The following IDE variants were observed in gnomAD, a reference collection of about 807,000 sequenced individuals.
The protein encoded by IDE is insulin-degrading enzyme.
In IDE, 58 loss-of-function variants were observed where a neutral mutation model predicts 133.2. That is an observed-to-expected ratio of 0.44 (90% CI 0.35 to 0.54). The LOEUF (loss-of-function observed/expected upper bound fraction) is 0.54, where lower values mean the gene tolerates loss of function less well. Among genes scored for constraint, IDE ranks in the 20% least tolerant of loss-of-function variants. The pLI is 0.00. For synonymous variants in IDE, 396 were observed against 421.3 expected, an observed-to-expected ratio of 0.94 and a Z score of 0.73; for missense variants, 981 against 1,234.0, an observed-to-expected ratio of 0.79 and a Z score of 3.07.
chr10:92,559,736 TA>T (rs1486760538), intron 1 of IDE, among the ~76,000 whole-genome samples: 69 of 129,050 alleles, frequency 5.3e-4, no homozygotes, highest in Admixed American at 1.0e-3. Flanking sequence ...ATGAATGGTA[TA>T]TTTTTTTTTT....
chr10:92,516,864 G>A (rs1433335369), intron 4 of IDE, among the ~76,000 whole-genome samples: 1 of 152,130 alleles, frequency 6.6e-6, no homozygotes, highest in African/African-American at 2.4e-5. Flanking sequence ...AATTCAAGTA[G>A]GGTAAAATAT....
chr10:92,477,291 A>C (rs1846318562), intron 15 of IDE, among the ~76,000 whole-genome samples: 1 of 152,072 alleles, frequency 6.6e-6, no homozygotes, highest in South Asian at 2.1e-4. Context: ...TAGCTGGACT[A>C]CAGGTACACA....
At chr10:92,500,102 A>G (rs1847924271) in intron 11 of IDE, among the ~76,000 whole-genome samples, 3 of 152,156 alleles carry the variant, frequency 2.0e-5, no homozygotes, top group Non-Finnish European at 4.4e-5. Flanking sequence ...GTTCGAGACC[A>G]GCCTGACCAA....
chr10:92,475,080 TC>T, intron 16 of IDE, 119 bp from the exon 17 acceptor site: 1 of 720,126 alleles, frequency 1.4e-6, no homozygotes, highest in South Asian at 2.0e-5. Flanking sequence ...TTCCCTTCTT[TC>T]CCCTTTCTGA....
At chr10:92,556,830 A>G (rs1843033729) in intron 1 of IDE, among the ~76,000 whole-genome samples, 1 of 151,428 alleles carries the variant, frequency 6.6e-6, no homozygotes, top group Non-Finnish European at 1.5e-5. Context: ...AGGCTGAGAC[A>G]GGAGAATTGC....
At chr10:92,457,327 A>G (rs1031970259) in intron 22 of IDE, among the ~76,000 whole-genome samples, 2 of 152,176 alleles carry the variant, frequency 1.3e-5, no homozygotes, top group Non-Finnish European at 2.9e-5. Flanking sequence ...GCACTCTCCT[A>G]TGTCAGCTCA....
intron 1 of IDE, among the ~76,000 whole-genome samples, chr10:92,544,486 C>T (rs1486357203): frequency 1.3e-5 from 2 of 152,076 alleles, no homozygotes; most frequent in Non-Finnish European, 2.9e-5. Context: ...AGTGACTTGC[C>T]CAAGGGCAAG....
intron 17 of IDE, 72 bp from the exon 18 acceptor site, chr10:92,470,417 A>G (rs527465031): frequency 5.2e-6 from 5 of 957,696 alleles, no homozygotes; most frequent in Non-Finnish European, 7.9e-6. Flanking sequence ...TTTGAGACTT[A>G]CAGAAGACTT....
chr10:92,573,841 C>G, intron 1 of IDE, 81 bp downstream of exon 1: 2 of 987,004 alleles, frequency 2.0e-6, no homozygotes, highest in Non-Finnish European at 1.4e-6. Flanking sequence ...GCTTTAAGTG[C>G]TGAATCACCA....
At chr10:92,508,017 CT>C (rs772771970) in intron 8 of IDE, 95 bp downstream of exon 8, 1 of 866,034 alleles carries the variant, frequency 1.2e-6, no homozygotes, top group Non-Finnish European at 1.9e-6. Context: ...AGTGTTGTAG[CT>C]TTCAACATAA....
chr10:92,482,935 C>T (rs1431774218), intron 14 of IDE, among the ~76,000 whole-genome samples: 1 of 152,094 alleles, frequency 6.6e-6, no homozygotes, highest in Non-Finnish European at 1.5e-5. Flanking sequence ...CACCCACCAC[C>T]ATGCCCGGCT....
At chr10:92,515,182 G>A in intron 4 of IDE, 140 bp from the exon 5 acceptor site, 1 of 638,826 alleles carries the variant, frequency 1.6e-6, no homozygotes, top group East Asian at 2.7e-5. Flanking sequence ...TTATTTGAAT[G>A]TTAAGTGAAT....
At chr10:92,514,010 T>A (rs1848768368) in intron 5 of IDE, among the ~76,000 whole-genome samples, 1 of 152,204 alleles carries the variant, frequency 6.6e-6, no homozygotes, top group Non-Finnish European at 1.5e-5. Flanking sequence ...AATTATAAAA[T>A]CAGTATTTAG....
At chr10:92,535,796 G>C (rs140052877) in intron 2 of IDE, among the ~76,000 whole-genome samples, 23 of 152,324 alleles carry the variant, frequency 1.5e-4, no homozygotes, top group South Asian at 4.1e-4. Context: ...AGCACTTTGG[G>C]AGGACGAGGT....
At chr10:92,550,793 C>G (rs1842744146) in intron 1 of IDE, among the ~76,000 whole-genome samples, 1 of 152,158 alleles carries the variant, frequency 6.6e-6, no homozygotes, top group Admixed American at 6.5e-5. Context: ...TGGCATGAAC[C>G]TGGAAGGCAG....
intron 14 of IDE, among the ~76,000 whole-genome samples, chr10:92,482,294 G>C (rs1040398735): frequency 3.9e-5 from 6 of 152,110 alleles, no homozygotes. Context: ...AAATTATGAA[G>C]TATAAACTCA....
chr10:92,479,610 A>AGT (rs3831274), intron 14 of IDE, 189 bp from the exon 15 acceptor site: 18,804 of 463,712 alleles, frequency 0.041, 1,131 homozygotes, highest in African/African-American at 0.22. Context: ...AGTGTGTGTG[A>AGT]GTGTGTGTGT....
chr10:92,497,461 A>T (rs7084090), intron 11 of IDE, among the ~76,000 whole-genome samples: 129,394 of 152,204 alleles, frequency 0.85, 55,236 homozygotes, highest in East Asian at 0.92. Context: ...TACACCATTT[A>T]ATATAAGGGA....
intron 24 of IDE, 60 bp downstream of exon 24, chr10:92,455,516 G>C: frequency 9.5e-7 from 1 of 1,055,348 alleles, no homozygotes; most frequent in Non-Finnish European, 1.4e-6. Flanking sequence ...AAACCAAGCT[G>C]CTTCTTCTAA....
Sources: allele counts gnomAD v4.1 joint callset (sites outside exome capture counted in the v4.1 genomes callset), GRCh38; gene constraint gnomAD v4.1.1; transcripts MANE v1.5; gene names NCBI Gene and HGNC (gene_info 2026-07-23, HGNC 2026-07-21).